The following ATG4B variants were observed in gnomAD, a reference collection of about 807,000 sequenced individuals.
ATG4B encodes cysteine protease ATG4B.
In ATG4B, 29 loss-of-function variants were observed where a neutral mutation model predicts 56.6. The observed-to-expected ratio is 0.51, with a 90% CI of 0.38 to 0.70. The LOEUF is 0.70. ATG4B is among the 30% of genes least tolerant of loss of function. ATG4B has a pLI of 0.00. For synonymous variants in ATG4B, 224 were observed against 206.1 expected, an observed-to-expected ratio of 1.09 and a Z score of -0.74; for missense variants, 461 against 515.5, an observed-to-expected ratio of 0.89 and a Z score of 1.02.
chr2:241,641,393 AC>A (rs1404102768), intron 1 of ATG4B, among the ~76,000 whole-genome samples: 2 of 152,174 alleles, frequency 1.3e-5, no homozygotes, highest in Admixed American at 1.3e-4. Flanking sequence ...TACTAAAAAT[AC>A]AAAAAATTAG....
chr2:241,671,542 G>C, intron 12 of ATG4B, 137 bp downstream of exon 12: 1 of 1,539,616 alleles, frequency 6.5e-7, no homozygotes, highest in Non-Finnish European at 8.7e-7. Context: ...TGGTTCGCCT[G>C]TGAGACCAGG....
At chr2:241,650,919 C>T in intron 1 of ATG4B, 91 bp from the exon 2 acceptor site, 2 of 1,093,436 alleles carry the variant, frequency 1.8e-6, no homozygotes, top group Non-Finnish European at 2.7e-6. Context: ...CAGTTGTTCT[C>T]TTCAGCACAG....
chr2:241,637,746 G>A, intron 1 of ATG4B, 22 bp downstream of exon 1: 1 of 1,571,412 alleles, frequency 6.4e-7, no homozygotes, highest in Non-Finnish European at 8.6e-7. Flanking sequence ...CCGGGGGTCG[G>A]TCTTTCCGCA....
At chr2:241,658,803 T>C (rs374529465) in intron 6 of ATG4B, among the ~76,000 whole-genome samples, 1 of 152,258 alleles carries the variant, frequency 6.6e-6, no homozygotes, top group Non-Finnish European at 1.5e-5. Context: ...GTTCATGTTC[T>C]AGTTCCTGCC....
chr2:241,659,030 T>A (rs1467039594), intron 6 of ATG4B, 78 bp from the exon 7 acceptor site: 4 of 1,178,472 alleles, frequency 3.4e-6, no homozygotes, highest in African/African-American at 1.5e-5. Flanking sequence ...CGAACCCTCC[T>A]TCGCGCAGCT....
chr2:241,639,522 C>A (rs1393373630), intron 1 of ATG4B, among the ~76,000 whole-genome samples: 2 of 152,230 alleles, frequency 1.3e-5, no homozygotes, highest in East Asian at 3.9e-4. Context: ...TACTTGCATT[C>A]ATTGGGTCCC....
At position 241,668,689 on chromosome 2, in the gene ATG4B, C is replaced by G. The variant is rs199522547; in HGVS notation, c.957+4C>G. 7.0e-6 allele frequency: 11 copies of G among 1,567,418 alleles called. No individual in the cohort carries two copies. Among genetic ancestry groups the G allele is most frequent in the Non-Finnish European group, 8.6e-6 (10 of 1,157,944 alleles). ...GCTTGACCCGTCCATCGCTGTGGTA[C>G]GTGGCGGCCACCTGAGCACACAGGC... On this transcript the variant is annotated splice_donor_region_variant and intron_variant, in intron 10 of 12. Transcript: ENST00000404914. The surrounding 1 kb of genome is among the most constrained non-coding windows in gnomAD (Gnocchi z 4.2).
At chr2:241,652,961 C>T (rs2068266888) in intron 3 of ATG4B, among the ~76,000 whole-genome samples, 1 of 152,190 alleles carries the variant, frequency 6.6e-6, no homozygotes, top group African/African-American at 2.4e-5. Flanking sequence ...TCCACTGGAC[C>T]CCTGCTATGG....
intron 11 of ATG4B, 113 bp from the exon 12 acceptor site, chr2:241,671,199 C>T (rs1352477382): frequency 1.1e-6 from 1 of 907,580 alleles, no homozygotes; most frequent in Non-Finnish European, 1.7e-6. Context: ...GTTTTCTCAT[C>T]AGTGAGATGG....
intron 6 of ATG4B, among the ~76,000 whole-genome samples, chr2:241,657,895 C>G (rs190230615): frequency 2.5e-4 from 38 of 152,348 alleles, no homozygotes; most frequent in Admixed American, 1.3e-4. Flanking sequence ...ACCTCCCTGG[C>G]ATGACACGTT....
At chr2:241,669,963 A>G (rs1469202439) in intron 10 of ATG4B, among the ~76,000 whole-genome samples, 2 of 152,068 alleles carry the variant, frequency 1.3e-5, no homozygotes, top group African/African-American at 4.8e-5. Context: ...AGAGGAGTGG[A>G]CGCGTGAACG....
At chr2:241,669,192 A>AC (rs2068879729) in intron 10 of ATG4B, among the ~76,000 whole-genome samples, 1 of 152,056 alleles carries the variant, frequency 6.6e-6, no homozygotes, top group Admixed American at 6.5e-5. Context: ...CATTTTGATT[A>AC]CCTAGTTGTG....
chr2:241,657,352 C>T (rs2068441870), intron 6 of ATG4B, among the ~76,000 whole-genome samples: 1 of 149,126 alleles, frequency 6.7e-6, no homozygotes, highest in African/African-American at 2.5e-5. Context: ...GGCTGGAGTG[C>T]AGTGGTGCAA....
intron 3 of ATG4B, chr2:241,652,127 G>A (rs572994015): frequency 5.6e-5 from 21 of 376,506 alleles, no homozygotes; most frequent in African/African-American, 3.6e-4. Context: ...AGGGACATAC[G>A]ACAGTGTCTC....
rs375175013 is a variant in ATG4B at position 241,671,386 on chromosome 2, C to T, written c.1089C>T (p.Asp363=). The change falls in exon 12 of 13, where the codon GAC becomes GAT. Residue 363 remains aspartate (D), a synonymous_variant. Coordinates refer to ENST00000404914, the MANE Select transcript of ATG4B (RefSeq NM_013325.5). ...ELQPSHLACP[D]VLNLSLDSSD... is the part of the protein sequence containing the mutation. ...AGCCTTCACATCTGGCCTGCCCCGA[C>T]GTCCTGAACCTGTCCCTAGGTGAGA... The T allele has an allele frequency of 3.7e-6, 6 of 1,613,552 alleles. No homozygotes were observed. The highest frequency in any genetic ancestry group is 1.3e-5 in the African/African-American group (1 of 74,906).
chr2:241,647,344 C>T (rs909364503), intron 1 of ATG4B, among the ~76,000 whole-genome samples: 14 of 146,140 alleles, frequency 9.6e-5, no homozygotes, highest in African/African-American at 2.8e-4. Flanking sequence ...GGTGGCCAGG[C>T]GCAGTGGCTC....
chr2:241,670,079 G>T (rs1463020595), intron 10 of ATG4B, among the ~76,000 whole-genome samples: 1 of 152,234 alleles, frequency 6.6e-6, no homozygotes, highest in Non-Finnish European at 1.5e-5. Flanking sequence ...CCAGCGCCGA[G>T]GCGGCAGAAT....
intron 5 of ATG4B, 75 bp downstream of exon 5, chr2:241,654,722 G>A: frequency 2.5e-6 from 3 of 1,213,904 alleles, no homozygotes; most frequent in Non-Finnish European, 3.6e-6. Context: ...TCCCCTCAGA[G>A]CTTTTCTGGT....
chr2:241,669,002 C>T (rs1458055425), intron 10 of ATG4B: 1 of 372,906 alleles, frequency 2.7e-6, no homozygotes, highest in Non-Finnish European at 4.8e-6. Flanking sequence ...GTGTCCCCCT[C>T]ACACCTACAT....
Sources: allele counts gnomAD v4.1 joint callset (sites outside exome capture counted in the v4.1 genomes callset), GRCh38; gene constraint gnomAD v4.1.1; non-coding constraint Gnocchi (gnomAD v3.1); transcripts MANE v1.5; gene names NCBI Gene and HGNC (gene_info 2026-07-23, HGNC 2026-07-21).